The following GARNL3 variants were observed in gnomAD, a reference collection of about 807,000 sequenced individuals.
GARNL3 encodes the protein GTPase-activating Rap/Ran-GAP domain-like protein 3.
Under a neutral mutation model 125.0 loss-of-function variants are expected in GARNL3, and 63 were observed. The ratio of observed to expected loss-of-function variants is 0.50; its 90% CI spans 0.41 to 0.62. The LOEUF is 0.62. GARNL3 is among the 20% of genes least tolerant of loss of function. The pLI, the probability that GARNL3 is intolerant of heterozygous loss-of-function variation, is 0.00. For missense variants in GARNL3, 994 were observed against 1,244.0 expected (o/e 0.80, Z 3.02); for synonymous variants, 439 against 457.5 (o/e 0.96, Z 0.52).
chr9:127,339,579 T>C (rs1293674796), intron 12 of GARNL3, 66 bp from the exon 13 acceptor site: 3 of 1,155,408 alleles, frequency 2.6e-6, no homozygotes, highest in East Asian at 2.4e-5. Flanking sequence ...CAAGTGGCGA[T>C]TTGGGTGGGG....
chr9:127,378,590 A>C (rs957118490), intron 22 of GARNL3, among the ~76,000 whole-genome samples: 31 of 36,628 alleles, frequency 8.5e-4, no homozygotes, highest in African/African-American at 1.6e-3. Flanking sequence ...TCCGTCACAA[A>C]AAAAAAAAAA....
Position 127,384,589 on chromosome 9 carries a change from G to A in GARNL3, c.2270-438G>A, listed in dbSNP as rs1169666979. On this transcript the variant is annotated intron_variant, in intron 23 of 27. Transcript: ENST00000373387. The surrounding 1 kb of genome is among the most constrained non-coding windows in gnomAD (Gnocchi z 4.0). ...AGCTGGAGGAGCACATGGGAGGAGC[G>A]AGGAGCACTGAGGGACACCAGGGCT... 6.6e-6 allele frequency among the ~76,000 whole-genome samples: 1 copy of A among 152,184 alleles called. No individual in the cohort carries two copies. Among genetic ancestry groups the A allele is most frequent in the African/African-American group, 2.4e-5 (1 of 41,430 alleles).
intron 1 of GARNL3, among the ~76,000 whole-genome samples, chr9:127,275,691 T>C (rs1006382472): frequency 2.6e-5 from 4 of 152,244 alleles, no homozygotes; most frequent in Non-Finnish European, 5.9e-5. Flanking sequence ...TTGCCGTGAT[T>C]GGCTTACCAT....
chr9:127,272,190 A>G (rs1355470966), intron 1 of GARNL3, among the ~76,000 whole-genome samples: 2 of 150,190 alleles, frequency 1.3e-5, no homozygotes, highest in African/African-American at 2.5e-5. Context: ...GACTGTTGTG[A>G]AGAAAGATGA....
At chr9:127,232,772 G>A (rs540104940) in intron 1 of GARNL3, among the ~76,000 whole-genome samples, 1 of 152,338 alleles carries the variant, frequency 6.6e-6, no homozygotes, top group South Asian at 2.1e-4. Context: ...ATGGCTCCAG[G>A]TGCTTGAATA....
chr9:127,316,604 A>T (rs2065246570), intron 4 of GARNL3, among the ~76,000 whole-genome samples: 1 of 151,554 alleles, frequency 6.6e-6, no homozygotes, highest in South Asian at 2.1e-4. Flanking sequence ...ATTCATCTAT[A>T]ATTGGAAAAA....
At chr9:127,281,844 T>A (rs528847514) in intron 1 of GARNL3, among the ~76,000 whole-genome samples, 87 of 152,378 alleles carry the variant, frequency 5.7e-4, no homozygotes, top group African/African-American at 2.0e-3. Flanking sequence ...GGGATGTGTC[T>A]GTGTCTGTGT....
intron 1 of GARNL3, among the ~76,000 whole-genome samples, chr9:127,270,149 C>G (rs956109954): frequency 3.3e-5 from 5 of 152,052 alleles, no homozygotes; most frequent in Admixed American, 3.3e-4. Context: ...TTGTGGACAT[C>G]CAGTTTTCCC....
At chr9:127,355,540 C>T in intron 20 of GARNL3, 68 bp downstream of exon 20, 1 of 1,471,716 alleles carries the variant, frequency 6.8e-7, no homozygotes, top group Non-Finnish European at 9.5e-7. Flanking sequence ...GTCCTTCCAC[C>T]CAGAGTTTGT....
rs762241655 is a variant in GARNL3, at chr9:127,383,496, T to A, written c.2220T>A (p.Pro740=). The A allele has an allele frequency of 6.2e-7, 1 of 1,613,824 alleles. No homozygotes were observed. The highest frequency in any genetic ancestry group is 8.5e-7 in the Non-Finnish European group (1 of 1,179,878). Residue 740 remains proline, a synonymous_variant, in exon 23 of 28, where the codon CCT becomes CCA. Transcript: ENST00000373387. ...ATGGTGGCTCTTTTTTGGTTCAACC[T>A]TCTGCGTCAGATTTCCAGTTCTGTT... The part of the protein sequence containing the change: ...PFNGGSFLVQ[P]SASDFQFCWN...
chr9:127,387,097 G>T, intron 24 of GARNL3, 96 bp from the exon 25 acceptor site: 1 of 1,290,030 alleles, frequency 7.8e-7, no homozygotes, highest in Non-Finnish European at 1.1e-6. Context: ...CCAAGGATGG[G>T]GACCAGTTGG....
intron 1 of GARNL3, among the ~76,000 whole-genome samples, chr9:127,282,144 C>A (rs2064122357): frequency 6.6e-6 from 1 of 152,064 alleles, no homozygotes; most frequent in African/African-American, 2.4e-5. Flanking sequence ...GATTTGCAGT[C>A]CTCTAGGGCA....
At chr9:127,311,791 G>C (rs549164439) in intron 3 of GARNL3, 56 bp downstream of exon 3, 11 of 1,214,024 alleles carry the variant, frequency 9.1e-6, no homozygotes, top group Non-Finnish European at 1.3e-5. Context: ...GGAAGTTAGT[G>C]TTCATATAAC....
upstream of GARNL3, chr9:127,263,914 A>G: frequency 6.8e-7 from 1 of 1,470,136 alleles, no homozygotes; most frequent in South Asian, 1.4e-5. Flanking sequence ...TCTGGTTGCT[A>G]AACATCAGAG....
chr9:127,392,936 C>A lies in GARNL3; in HGVS notation c.2871-147C>A. The stretch of plus-strand genomic sequence containing the variant: ...CCCCTGAGGTGATGGGGGTGGCATT[C>A]CAGCACTTCCCCACCTCTACCACAT... On this transcript the variant is annotated intron_variant, in intron 27 of 27. Transcript: ENST00000373387. The surrounding 1 kb of genome is among the most constrained non-coding windows in gnomAD (Gnocchi z 5.2). 2 of 619,994 alleles carry A rather than the reference C, an allele frequency of 3.2e-6. No homozygotes were observed. The highest frequency in any genetic ancestry group is 5.6e-6 in the Non-Finnish European group (2 of 354,074). The allele number at this position is 619,994 out of a possible 1,614,324, so 38.4% of individuals were successfully genotyped here.
At chr9:127,357,072 C>A in intron 20 of GARNL3, 147 bp from the exon 21 acceptor site, 1 of 712,728 alleles carries the variant, frequency 1.4e-6, no homozygotes. Context: ...GCACTCCTCT[C>A]TTGTCCCTTC....
At chr9:127,330,295 G>A (rs756740309) in intron 7 of GARNL3, among the ~76,000 whole-genome samples, 32 of 152,276 alleles carry the variant, frequency 2.1e-4, no homozygotes, top group Middle Eastern at 3.4e-3. Flanking sequence ...TCATCACTTC[G>A]AAAACAGAGA....
chr9:127,345,915 C>T (rs1000681996), intron 16 of GARNL3, among the ~76,000 whole-genome samples: 1 of 152,254 alleles, frequency 6.6e-6, no homozygotes, highest in Non-Finnish European at 1.5e-5. Context: ...CAGTGCTGCT[C>T]AAGCTTCAGT....
intron 1 of GARNL3, among the ~76,000 whole-genome samples, chr9:127,285,639 C>T (rs2064229524): frequency 6.6e-6 from 1 of 152,000 alleles, no homozygotes; most frequent in African/African-American, 2.4e-5. Context: ...TTTATAAACT[C>T]TTCTTTCTAG....
Sources: gnomAD v4.1 joint callset for allele counts (sites outside exome capture counted in the v4.1 genomes callset) on GRCh38, gnomAD v4.1.1 for gene constraint, Gnocchi (gnomAD v3.1) non-coding constraint, MANE v1.5 for transcripts, NCBI Gene and HGNC (gene_info 2026-07-23, HGNC 2026-07-21) for gene names.